PCDH9: variants seen among roughly 807,000 people sequenced by gnomAD.
PCDH9 encodes protocadherin-9.
A neutral mutation model predicts 70.6 loss-of-function variants in PCDH9; 24 were observed. The observed-to-expected ratio is 0.34, with a 90% CI of 0.25 to 0.48. The LOEUF (loss-of-function observed/expected upper bound fraction) is 0.48. Among genes scored for constraint, PCDH9 ranks in the 20% least tolerant of loss-of-function variants. The probability of loss-of-function intolerance (pLI) is 0.99; values close to 1 mark genes in which losing one functional copy is unlikely to be tolerated. For missense variants in PCDH9, 1,281 were observed against 1,503.6 expected (o/e 0.85, Z 2.45); for synonymous variants, 562 against 558.5 (o/e 1.01, Z -0.09).
chr13:66,848,763 T>C (rs1013396491), intron 3 of PCDH9, among the ~76,000 whole-genome samples: 1 of 151,210 alleles, frequency 6.6e-6, no homozygotes, highest in Non-Finnish European at 1.5e-5. Context: ...CCCGTCTCTA[T>C]TAAAAATACA....
intron 4 of PCDH9, among the ~76,000 whole-genome samples, chr13:66,393,209 G>A (rs1320685800): frequency 2.6e-5 from 4 of 152,074 alleles, no homozygotes; most frequent in Admixed American, 6.6e-5. Flanking sequence ...AAAAACATCT[G>A]CACACTGATA....
At chr13:66,973,597 C>A (rs2083562528) in intron 2 of PCDH9, among the ~76,000 whole-genome samples, 1 of 151,932 alleles carries the variant, frequency 6.6e-6, no homozygotes, top group Non-Finnish European at 1.5e-5. Flanking sequence ...GATAAACCTG[C>A]TAATCATCTA....
intron 2 of PCDH9, among the ~76,000 whole-genome samples, chr13:67,067,996 T>C (rs967360074): frequency 6.6e-6 from 1 of 152,142 alleles, no homozygotes; most frequent in Non-Finnish European, 1.5e-5. Flanking sequence ...TTTGATAGCT[T>C]CTAATCAAAT....
chr13:66,849,082 A>G (rs962328813), intron 3 of PCDH9, among the ~76,000 whole-genome samples: 3 of 152,086 alleles, frequency 2.0e-5, no homozygotes, highest in African/African-American at 4.8e-5. Flanking sequence ...ATTCCTTTGT[A>G]GCAACTTTTA....
chr13:66,445,556 TA>T (rs1958063868), intron 4 of PCDH9, among the ~76,000 whole-genome samples: 4 of 143,244 alleles, frequency 2.8e-5, no homozygotes, highest in African/African-American at 1.0e-4. Flanking sequence ...TACACATATA[TA>T]ATATATACGT....
chr13:66,751,109 C>G (rs1224424446), intron 3 of PCDH9, among the ~76,000 whole-genome samples: 3 of 152,154 alleles, frequency 2.0e-5, no homozygotes, highest in Non-Finnish European at 4.4e-5. Flanking sequence ...CTACCACTTG[C>G]ACTCCCTCTT....
chr13:66,910,145 C>G (rs1255411462), intron 2 of PCDH9, among the ~76,000 whole-genome samples: 6 of 152,168 alleles, frequency 3.9e-5, no homozygotes, highest in Non-Finnish European at 7.3e-5. Flanking sequence ...AAAAGCACTT[C>G]CTTTCTCCTT....
intron 4 of PCDH9, among the ~76,000 whole-genome samples, chr13:66,580,901 T>A (rs752305812): frequency 6.6e-6 from 1 of 152,102 alleles, no homozygotes; most frequent in Non-Finnish European, 1.5e-5. Flanking sequence ...GAAGTAACTA[T>A]GAAAGATTAC....
At chr13:66,980,770 C>T (rs1409079560) in intron 2 of PCDH9, among the ~76,000 whole-genome samples, 1 of 68,192 alleles carries the variant, frequency 1.5e-5, no homozygotes, top group Admixed American at 1.9e-4. Context: ...TTATATCCTA[C>T]TCCTTGCTTA....
intron 4 of PCDH9, among the ~76,000 whole-genome samples, chr13:66,605,796 T>C (rs1389871710): frequency 6.6e-6 from 1 of 152,172 alleles, no homozygotes; most frequent in African/African-American, 2.4e-5. Flanking sequence ...GACTGTACTT[T>C]TTTTTTCTAT....
At chr13:67,059,378 A>ATATAG (rs2085490580) in intron 2 of PCDH9, among the ~76,000 whole-genome samples, 1 of 146,530 alleles carries the variant, frequency 6.8e-6, no homozygotes, top group Admixed American at 6.9e-5. Context: ...GTGTATATAT[A>ATATAG]TATATAGTAT....
intron 4 of PCDH9, among the ~76,000 whole-genome samples, chr13:66,526,103 A>G (rs185704245): frequency 7.0e-4 from 107 of 152,292 alleles, no homozygotes; most frequent in African/African-American, 2.5e-3. Flanking sequence ...ACTGATGCTC[A>G]ATAAAAATAA....
intron 2 of PCDH9, among the ~76,000 whole-genome samples, chr13:67,034,769 T>C (rs2084977669): frequency 6.6e-6 from 1 of 152,092 alleles, no homozygotes; most frequent in Non-Finnish European, 1.5e-5. Context: ...TACACATTAT[T>C]TCATCACCTA....
chr13:67,011,202 C>G (rs577711834), intron 2 of PCDH9, among the ~76,000 whole-genome samples: 1 of 151,632 alleles, frequency 6.6e-6, no homozygotes, highest in Non-Finnish European at 1.5e-5. Flanking sequence ...GGAACTGTCA[C>G]CCCCCCAGTA....
At chr13:67,134,447 C>A (rs1028463696) in intron 2 of PCDH9, among the ~76,000 whole-genome samples, 1 of 152,028 alleles carries the variant, frequency 6.6e-6, no homozygotes, top group African/African-American at 2.4e-5. Context: ...CCAAAGGGAC[C>A]TAGAATGACT....
chr13:66,771,797 T>C (rs568502078), intron 3 of PCDH9, among the ~76,000 whole-genome samples: 11 of 152,316 alleles, frequency 7.2e-5, no homozygotes, highest in African/African-American at 2.4e-4. Context: ...CTTATAAAAT[T>C]TTCCCCATGG....
intron 2 of PCDH9, among the ~76,000 whole-genome samples, chr13:67,174,562 T>G (rs904242943): frequency 4.6e-5 from 7 of 152,132 alleles, no homozygotes; most frequent in African/African-American, 1.7e-4. Context: ...GTGTGGGAGC[T>G]CCTATAGCAA....
In PCDH9 at chr13:66,457,760, C is replaced by T. The variant is rs371480521; in HGVS notation, c.3341-152732G>A. 5.9e-5 allele frequency among the ~76,000 whole-genome samples: 9 copies of T among 152,112 alleles called. No homozygotes were observed. The South Asian group carries it at 1.2e-3, about 21-fold the overall frequency. ...TATGTAAACTGTTGGGATTTCAATA[C>T]CTCCCTTATAGCTGCAAGCACACTA... is the stretch of plus-strand genomic sequence containing the variant. On this transcript the variant is annotated intron_variant, in intron 4 of 4. Coordinates refer to ENST00000377865, the MANE Select transcript of PCDH9 (RefSeq NM_203487.3).
intron 2 of PCDH9, among the ~76,000 whole-genome samples, chr13:66,962,624 T>C (rs1594318416): frequency 6.6e-6 from 1 of 152,220 alleles, no homozygotes; most frequent in Non-Finnish European, 1.5e-5. Flanking sequence ...ATTGTGTATC[T>C]AAACATATCT....
Sources: allele counts gnomAD v4.1 joint callset (sites outside exome capture counted in the v4.1 genomes callset), GRCh38; gene constraint gnomAD v4.1.1; transcripts MANE v1.5; gene names NCBI Gene and HGNC (gene_info 2026-07-23, HGNC 2026-07-21).